The following RBMS1 variants were observed in gnomAD, a reference collection of about 807,000 sequenced individuals.
The protein encoded by RBMS1 is RNA binding motif single stranded interacting protein 1, also known as RNA-binding motif, single-stranded-interacting protein 1.
In RBMS1, 17 loss-of-function variants were observed where a neutral mutation model predicts 62.3. The observed-to-expected ratio is 0.27, with a 90% confidence interval of 0.19 to 0.41. RBMS1 has a LOEUF of 0.41. RBMS1 is among the 10% of genes least tolerant of loss of function. RBMS1 has a pLI of 1.00. For synonymous variants in RBMS1, 172 were observed against 170.0 expected (o/e 1.01, Z -0.09); for missense variants, 334 against 504.5 (o/e 0.66, Z 3.24).
chr2:160,401,220 C>A (rs1281914587), intron 1 of RBMS1, among the ~76,000 whole-genome samples: 2 of 152,150 alleles, frequency 1.3e-5, no homozygotes, highest in Admixed American at 1.3e-4. Context: ...AAAAGATAAT[C>A]TTCTCTAGTT....
intron 2 of RBMS1, among the ~76,000 whole-genome samples, chr2:160,321,346 C>T (rs151177960): frequency 8.2e-4 from 125 of 152,150 alleles, no homozygotes; most frequent in African/African-American, 2.9e-3. Flanking sequence ...TCAGCTTCCT[C>T]TTCTCCCTCC....
At chr2:160,307,898 G>T (rs1353436906) in intron 4 of RBMS1, among the ~76,000 whole-genome samples, 1 of 152,118 alleles carries the variant, frequency 6.6e-6, no homozygotes, top group African/African-American at 2.4e-5. Flanking sequence ...TATTTGTGGG[G>T]TTCTTTTTCA....
intron 1 of RBMS1, among the ~76,000 whole-genome samples, chr2:160,458,630 C>T (rs545106732): frequency 2.0e-5 from 3 of 152,216 alleles, no homozygotes; most frequent in Non-Finnish European, 2.9e-5. Flanking sequence ...AATCCCATGT[C>T]TACTAATGAT....
At chr2:160,393,079 A>T (rs1694946763) in intron 1 of RBMS1, among the ~76,000 whole-genome samples, 1 of 152,180 alleles carries the variant, frequency 6.6e-6, no homozygotes, top group African/African-American at 2.4e-5. Context: ...CCCTATTCTA[A>T]TTTAGTATCC....
chr2:160,451,983 T>C (rs1387427551), intron 1 of RBMS1, among the ~76,000 whole-genome samples: 1 of 152,196 alleles, frequency 6.6e-6, no homozygotes, highest in Non-Finnish European at 1.5e-5. Context: ...TAAAATCTTA[T>C]ATTTAGGTTT....
intron 1 of RBMS1, among the ~76,000 whole-genome samples, chr2:160,419,630 T>C (rs1229784272): frequency 6.6e-6 from 1 of 152,246 alleles, no homozygotes; most frequent in Non-Finnish European, 1.5e-5. Flanking sequence ...TTTTAGTGGA[T>C]GTCAGTGTAT....
chr2:160,277,382 T>C lies in RBMS1; in HGVS notation c.1064A>G (p.Tyr355Cys). 6.2e-7 allele frequency: 1 copy of C among 1,610,876 alleles called. No individual in the cohort carries two copies. The highest frequency in any genetic ancestry group is 8.5e-7 in the Non-Finnish European group (1 of 1,177,116). The change falls in exon 12 of 14, where the codon TAC (tyrosine) becomes TGC (cysteine). Residue 355 changes from tyrosine (Y) to cysteine (C), a missense_variant and splice_region_variant. Physicochemically the swap from Tyr to Cys is radical, Grantham distance 194. Transcript: ENST00000348849. ...TTGCATAGCTGACGTTGCAGGCATGTACTAGAAAGAAGAATGAGGTCAGAA... is the reference window on the plus strand; with the variant it reads ...TTGCATAGCTGACGTTGCAGGCATGCACTAGAAAGAAGAATGAGGTCAGAA... ...SHLSLGSTGTYMPATSAMQGA... is the reference protein window; with the variant it reads ...SHLSLGSTGTCMPATSAMQGA...
At chr2:160,291,546 G>T (rs989065345) in intron 6 of RBMS1, among the ~76,000 whole-genome samples, 19 of 151,960 alleles carry the variant, frequency 1.3e-4, no homozygotes, top group African/African-American at 4.6e-4. Flanking sequence ...ACTGAATTCT[G>T]TTGACCTATT....
At chr2:160,469,127 A>C (rs1435196686) in intron 1 of RBMS1, among the ~76,000 whole-genome samples, 1 of 152,230 alleles carries the variant, frequency 6.6e-6, no homozygotes, top group Non-Finnish European at 1.5e-5. Flanking sequence ...AACTGTTTAC[A>C]AGAAAACACA....
intron 2 of RBMS1, among the ~76,000 whole-genome samples, chr2:160,352,101 G>GA (rs1692547653): frequency 6.6e-6 from 1 of 152,134 alleles, no homozygotes. Context: ...TCTTAGTAGT[G>GA]AACATAGGGA....
At chr2:160,464,613 T>C (rs924952761) in intron 1 of RBMS1, among the ~76,000 whole-genome samples, 5 of 152,218 alleles carry the variant, frequency 3.3e-5, no homozygotes, top group African/African-American at 9.6e-5. Flanking sequence ...GGTGGTTATA[T>C]TGGTATCTTT....
chr2:160,399,521 TATG>T (rs1695327691), intron 1 of RBMS1, among the ~76,000 whole-genome samples: 2 of 85,816 alleles, frequency 2.3e-5, no homozygotes, highest in Admixed American at 2.9e-4. Context: ...AAGATTCCTG[TATG>T]CTTTTTTTTT....
intron 6 of RBMS1, among the ~76,000 whole-genome samples, chr2:160,288,701 T>A (rs1172474410): frequency 6.6e-6 from 1 of 152,178 alleles, no homozygotes; most frequent in Non-Finnish European, 1.5e-5. Context: ...TGACTCCACA[T>A]AATCTCGTAG....
At chr2:160,300,865 G>C in intron 5 of RBMS1, 135 bp from the exon 6 acceptor site, 1 of 1,000,882 alleles carries the variant, frequency 1.0e-6, no homozygotes. Flanking sequence ...TATGATAAAG[G>C]GTCTATTCTA....
At chr2:160,301,641 ATGCTGGAGATGCTGGCCT>A (rs1689214599) in intron 5 of RBMS1, among the ~76,000 whole-genome samples, 1 of 152,206 alleles carries the variant, frequency 6.6e-6, no homozygotes, top group Non-Finnish European at 1.5e-5. Context: ...AGTGGAGCAC[ATGCTGGAGATGCTGGCCT>A]TGGTGACTTA....
At chr2:160,302,974 G>A (rs372111766) in intron 5 of RBMS1, 11 of 175,724 alleles carry the variant, frequency 6.3e-5, no homozygotes, top group African/African-American at 1.4e-4. Flanking sequence ...AATTTCCATC[G>A]AATAAGAAAA....
chr2:160,397,658 C>T (rs933501219), intron 1 of RBMS1, among the ~76,000 whole-genome samples: 3 of 152,096 alleles, frequency 2.0e-5, no homozygotes, highest in African/African-American at 7.2e-5. Context: ...ATGTGCTTCC[C>T]TCACCCCTGC....
intron 1 of RBMS1, among the ~76,000 whole-genome samples, chr2:160,455,084 T>C (rs1006369807): frequency 3.9e-5 from 6 of 152,338 alleles, no homozygotes; most frequent in Non-Finnish European, 8.8e-5. Flanking sequence ...GAATGCCACA[T>C]TATACATGCC....
At chr2:160,413,873 ATAG>A (rs1448612270) in intron 1 of RBMS1, among the ~76,000 whole-genome samples, 1 of 152,220 alleles carries the variant, frequency 6.6e-6, no homozygotes, top group Non-Finnish European at 1.5e-5. Context: ...AATCCAATAC[ATAG>A]TAGAGTTGGG....
Sources: gnomAD v4.1 joint callset for allele counts (sites outside exome capture counted in the v4.1 genomes callset) on GRCh38, gnomAD v4.1.1 for gene constraint, MANE v1.5 for transcripts, NCBI Gene and HGNC (gene_info 2026-07-23, HGNC 2026-07-21) for gene names.